Variants in RXRA observed in about 807,000 individuals in gnomAD.
The protein encoded by RXRA is retinoic acid receptor RXR-alpha.
In RXRA, 5 loss-of-function variants were observed where a neutral mutation model predicts 44.5. The observed-to-expected ratio is 0.11, with a 90% confidence interval of 0.06 to 0.24. The LOEUF (loss-of-function observed/expected upper bound fraction) is 0.24. RXRA is among the 10% of genes least tolerant of loss of function. RXRA has a pLI of 1.00. For missense variants in RXRA, 412 were observed against 646.5 expected, an observed-to-expected ratio of 0.64 and a Z score of 3.93; for synonymous variants, 291 against 271.4, an observed-to-expected ratio of 1.07 and a Z score of -0.71.
intron 1 of RXRA, among the ~76,000 whole-genome samples, chr9:134,368,690 C>T (rs1007542815): frequency 6.7e-6 from 1 of 148,306 alleles, no homozygotes; most frequent in Non-Finnish European, 1.5e-5. Context: ...TGTGAGTATA[C>T]GTGAATGTGT....
At chr9:134,341,175 C>T (rs1434007598) in intron 1 of RXRA, among the ~76,000 whole-genome samples, 15 of 152,216 alleles carry the variant, frequency 9.9e-5, no homozygotes, top group Admixed American at 6.5e-4. Flanking sequence ...AGTGTGTGCC[C>T]AGCACAGCAT....
chr9:134,371,306 CAG>C (rs1384562674), intron 1 of RXRA, among the ~76,000 whole-genome samples: 2 of 152,188 alleles, frequency 1.3e-5, no homozygotes, highest in African/African-American at 2.4e-5. Context: ...CGTGAGGTCT[CAG>C]GGGACCAGTC....
chr9:134,363,366 T>C (rs539080403), intron 1 of RXRA, among the ~76,000 whole-genome samples: 46 of 152,362 alleles, frequency 3.0e-4, no homozygotes, highest in African/African-American at 1.1e-3. Context: ...CCCATTTTCC[T>C]GAGCAGCGGG....
chr9:134,356,249 G>A (rs560330139), intron 1 of RXRA, among the ~76,000 whole-genome samples: 18 of 152,028 alleles, frequency 1.2e-4, no homozygotes, highest in Non-Finnish European at 2.4e-4. Flanking sequence ...GCTCTCGTAG[G>A]TGACTCTCCC....
At position 134,407,331 on chromosome 9, in the gene RXRA, G is replaced by A. The variant is rs1284488256; in HGVS notation, c.280-818G>A. ...GGGTTTGCAGAAGTGGAGGCTGGGG[G>A]CTGCCTGGCCAAGCGCTTACCGCCC... On this transcript the variant is annotated intron_variant, in intron 2 of 9. Coordinates refer to ENST00000481739, the MANE Select transcript of RXRA (RefSeq NM_002957.6). This position sits in a 1 kb window ranked among gnomAD's most constrained non-coding sequence, Gnocchi z 4.8. 1.3e-5 allele frequency among the ~76,000 whole-genome samples: 2 copies of A among 152,228 alleles called. No individual in the cohort carries two copies. Among genetic ancestry groups the A allele is most frequent in the Non-Finnish European group, 2.9e-5 (2 of 68,032 alleles).
At chr9:134,391,070 G>A (rs1014041887) in intron 1 of RXRA, among the ~76,000 whole-genome samples, 16 of 151,988 alleles carry the variant, frequency 1.1e-4, no homozygotes, top group African/African-American at 3.6e-4. Context: ...CTAAGCACCG[G>A]TGCCCCCATC....
At chr9:134,424,974 G>C (rs1298655450) in intron 6 of RXRA, 3 of 985,376 alleles carry the variant, frequency 3.0e-6, no homozygotes, top group Admixed American at 1.2e-4. Context: ...TGTGTTCCCA[G>C]TGCTGGTGGG....
chr9:134,421,440 C>T (rs1359557246), intron 5 of RXRA, among the ~76,000 whole-genome samples: 2 of 152,208 alleles, frequency 1.3e-5, no homozygotes, highest in Non-Finnish European at 2.9e-5. Context: ...TGGGTCCCCC[C>T]AGTGGTGCAG....
intron 9 of RXRA, among the ~76,000 whole-genome samples, chr9:134,435,997 G>A (rs891716667): frequency 2.6e-5 from 4 of 152,100 alleles, no homozygotes; most frequent in Non-Finnish European, 2.9e-5. Flanking sequence ...GCACCACCAC[G>A]CCTTGCTACT....
intron 1 of RXRA, chr9:134,372,174 G>C (rs995208279): frequency 4.6e-5 from 7 of 152,252 alleles, no homozygotes; most frequent in African/African-American, 1.7e-4. Context: ...TTGAAGCCCG[G>C]CCATCCAGTC....
chr9:134,394,396 CTGT>C (rs2119128379), intron 1 of RXRA, among the ~76,000 whole-genome samples: 1 of 152,170 alleles, frequency 6.6e-6, no homozygotes, highest in East Asian at 1.9e-4. Flanking sequence ...TTGATGGAGC[CTGT>C]CTCCATGAAG....
At chr9:134,338,966 T>C (rs1484761397) in intron 1 of RXRA, among the ~76,000 whole-genome samples, 2 of 152,216 alleles carry the variant, frequency 1.3e-5, no homozygotes, top group African/African-American at 2.4e-5. Flanking sequence ...AGCCGATTGT[T>C]GTCACCACTG....
chr9:134,336,546 T>TG (rs782685008), intron 1 of RXRA, among the ~76,000 whole-genome samples: 2 of 152,170 alleles, frequency 1.3e-5, no homozygotes, highest in African/African-American at 4.8e-5. Context: ...GCTGTGCCCC[T>TG]GTGGCCGGCC....
At chr9:134,405,824 A>C (rs1268482290) in intron 2 of RXRA, 1 of 152,576 alleles carries the variant, frequency 6.6e-6, no homozygotes, top group Non-Finnish European at 1.5e-5. Context: ...CTGCTTGTGG[A>C]TGCCTTTGCT....
At chr9:134,399,046 CTG>C (rs1436016618) in intron 1 of RXRA, among the ~76,000 whole-genome samples, 1 of 152,274 alleles carries the variant, frequency 6.6e-6, no homozygotes, top group Non-Finnish European at 1.5e-5. Context: ...CAGGCTCAGT[CTG>C]TGTGGATTTG....
intron 1 of RXRA, among the ~76,000 whole-genome samples, chr9:134,347,607 C>G (rs374961009): frequency 6.6e-6 from 1 of 152,152 alleles, no homozygotes; most frequent in Admixed American, 6.5e-5. Context: ...TCCAGGTATG[C>G]GGAGGGTCAC....
chr9:134,423,957 G>T lies in RXRA; in HGVS notation c.910+2152G>T, dbSNP rs796675426. On this transcript the variant is annotated intron_variant, in intron 6 of 9. Coordinates refer to ENST00000481739, the MANE Select transcript of RXRA (RefSeq NM_002957.6). ...TCCTGGGGATCCCAGATGGTTGTGC[G>T]CTGGGGGCCTGGCGGAGGTCCGAGT... is the stretch of plus-strand genomic sequence containing the variant. 29 of 985,458 alleles carry T rather than the reference G, an allele frequency of 2.9e-5. No homozygotes were observed. The African/African-American group carries it at 4.0e-4, about 14-fold the overall frequency. The allele number at this position is 985,458 out of a possible 1,614,324, so 61.0% of individuals were successfully genotyped here.
chr9:134,410,695 G>A (rs781525862), intron 4 of RXRA, among the ~76,000 whole-genome samples: 3 of 149,214 alleles, frequency 2.0e-5, no homozygotes, highest in African/African-American at 7.8e-5. Context: ...GGCCCGAGGC[G>A]TGGCTGGAGC....
intron 1 of RXRA, among the ~76,000 whole-genome samples, chr9:134,354,891 C>A (rs1336505113): frequency 1.3e-5 from 2 of 152,222 alleles, no homozygotes; most frequent in Non-Finnish European, 2.9e-5. Context: ...GTGGAGCTGG[C>A]TTAGGGATGG....
Sources: gnomAD v4.1 joint callset for allele counts (sites outside exome capture counted in the v4.1 genomes callset) on GRCh38, gnomAD v4.1.1 for gene constraint, Gnocchi (gnomAD v3.1) non-coding constraint, MANE v1.5 for transcripts, NCBI Gene and HGNC (gene_info 2026-07-23, HGNC 2026-07-21) for gene names.